Variants in GLIS3 observed in about 807,000 individuals in gnomAD.
GLIS3 encodes GLIS family zinc finger 3.
A neutral mutation model predicts 78.6 loss-of-function variants in GLIS3; 53 were observed. The ratio of observed to expected loss-of-function variants is 0.67; its 90% CI spans 0.54 to 0.85. The LOEUF (loss-of-function observed/expected upper bound fraction) is 0.85, where lower values mean the gene tolerates loss of function less well. GLIS3 is among the 40% of genes least tolerant of loss of function. The probability of loss-of-function intolerance (pLI) is 0.00; values close to 1 mark genes in which losing one functional copy is unlikely to be tolerated. For missense variants in GLIS3, 1,703 were observed against 1,231.1 expected, an observed-to-expected ratio of 1.38 and a Z score of -5.74; for synonymous variants, 684 against 509.9, an observed-to-expected ratio of 1.34 and a Z score of -4.60.
At chr9:4,272,181 G>T (rs1338188679) in intron 2 of GLIS3, among the ~76,000 whole-genome samples, 1 of 152,122 alleles carries the variant, frequency 6.6e-6, no homozygotes, top group South Asian at 2.1e-4. Context: ...ACTATTTTAA[G>T]CAAGTTGCGA....
chr9:4,166,801 A>T (rs971554135), intron 2 of GLIS3, among the ~76,000 whole-genome samples: 12 of 152,256 alleles, frequency 7.9e-5, no homozygotes, highest in Non-Finnish European at 1.6e-4. Context: ...GGACTCAAGA[A>T]TCACCTAAGG....
chr9:3,900,956 C>T (rs889319408), intron 6 of GLIS3: 3 of 152,210 alleles, frequency 2.0e-5, no homozygotes, highest in African/African-American at 7.2e-5. Flanking sequence ...AAACAGCTAG[C>T]TCCTGCCTTA....
intron 4 of GLIS3, among the ~76,000 whole-genome samples, chr9:4,056,120 C>A (rs1826139234): frequency 2.0e-5 from 3 of 152,192 alleles, no homozygotes; most frequent in African/African-American, 7.2e-5. Flanking sequence ...TGATTATATG[C>A]AGCCTAGATA....
chr9:4,447,939 A>C, the GLIS3 span, among the ~76,000 whole-genome samples: 1 of 152,146 alleles, frequency 6.6e-6, no homozygotes, highest in Non-Finnish European at 1.5e-5. Context: ...TTTTCTAAAA[A>C]TGAGCTCTCA....
chr9:4,376,579 A>G, the GLIS3 span, among the ~76,000 whole-genome samples: 2 of 135,232 alleles, frequency 1.5e-5, 1 homozygote, highest in Admixed American at 1.5e-4. Flanking sequence ...CGAAAATAGA[A>G]GTCATGTAGG....
chr9:3,968,782 T>C (rs908590691), intron 4 of GLIS3, among the ~76,000 whole-genome samples: 4 of 152,194 alleles, frequency 2.6e-5, no homozygotes, highest in African/African-American at 9.7e-5. Flanking sequence ...TCATTATTAC[T>C]CCTAAAAGAA....
chr9:4,272,649 T>G (rs1172919739), intron 2 of GLIS3, among the ~76,000 whole-genome samples: 1 of 152,248 alleles, frequency 6.6e-6, no homozygotes, highest in African/African-American at 2.4e-5. Flanking sequence ...TTTTCAACTC[T>G]AGAATAACCA....
At chr9:4,328,011 G>A (rs1256817639) in intron 2 of GLIS3, among the ~76,000 whole-genome samples, 3 of 152,208 alleles carry the variant, frequency 2.0e-5, no homozygotes, top group Non-Finnish European at 4.4e-5. Flanking sequence ...CGTGACTCAT[G>A]TCGAATGCAT....
upstream of GLIS3, among the ~76,000 whole-genome samples, chr9:4,301,141 C>T (rs1193001384): frequency 6.6e-6 from 1 of 151,536 alleles, no homozygotes; most frequent in African/African-American, 2.5e-5. Flanking sequence ...TGGTCTGTAT[C>T]CATGATATTA....
the GLIS3 span, among the ~76,000 whole-genome samples, chr9:4,443,633 G>C: frequency 3.3e-5 from 5 of 152,190 alleles, no homozygotes; most frequent in African/African-American, 1.2e-4. Context: ...TGAGATTAAA[G>C]GAAGCAAGAG....
intron 4 of GLIS3, among the ~76,000 whole-genome samples, chr9:4,026,022 C>G (rs1823310038): frequency 6.6e-6 from 1 of 152,122 alleles, no homozygotes; most frequent in Non-Finnish European, 1.5e-5. Flanking sequence ...AACAAATTTG[C>G]TAACATAATC....
At chr9:3,875,195 A>T (rs760126598) in intron 8 of GLIS3, among the ~76,000 whole-genome samples, 1 of 152,242 alleles carries the variant, frequency 6.6e-6, no homozygotes, top group Non-Finnish European at 1.5e-5. Context: ...CTCATTCAAC[A>T]TGCCATAGTA....
chr9:4,373,941 C>T, the GLIS3 span, among the ~76,000 whole-genome samples: 6 of 152,172 alleles, frequency 3.9e-5, no homozygotes, highest in African/African-American at 1.2e-4. Context: ...GCTGGGATTA[C>T]AGGTGTGAGC....
At chr9:4,309,713 T>A (rs1436675427) in intron 3 of GLIS3, among the ~76,000 whole-genome samples, 1 of 152,230 alleles carries the variant, frequency 6.6e-6, no homozygotes, top group Non-Finnish European at 1.5e-5. Context: ...TGTGTTTTAT[T>A]TACTCTCATT....
chr9:4,410,214 C>T, the GLIS3 span, among the ~76,000 whole-genome samples: 30 of 151,366 alleles, frequency 2.0e-4, no homozygotes, highest in Non-Finnish European at 2.2e-4. Context: ...TGGCCTCAAG[C>T]GATCCACCTG....
chr9:4,143,194 T>C (rs1326857792), intron 2 of GLIS3, among the ~76,000 whole-genome samples: 1 of 152,130 alleles, frequency 6.6e-6, no homozygotes, highest in Non-Finnish European at 1.5e-5. Flanking sequence ...ATAGTTAACA[T>C]ACCCATAACC....
At chr9:4,419,917 T>C in the GLIS3 span, among the ~76,000 whole-genome samples, 12 of 152,166 alleles carry the variant, frequency 7.9e-5, no homozygotes, top group African/African-American at 2.4e-4. Flanking sequence ...ACCTACCACA[T>C]TGGGGATTAT....
rs1820193853 is a variant in GLIS3, at chr9:3,861,269, C to G, written c.2298-5085G>C. Among the ~76,000 whole-genome samples the G allele has an allele frequency of 2.0e-5, 3 of 152,196 alleles. No homozygotes were observed. In the South Asian group the frequency reaches 6.2e-4, roughly 32 times the overall value. ...TTCTTTGACTATTCAGATATAAACA[C>G]TAAGGCTCAACAGAAAGTGAGGCAT... On this transcript the variant is annotated intron_variant, in intron 8 of 10. Coordinates refer to ENST00000381971, the MANE Select transcript of GLIS3 (RefSeq NM_001042413.2).
intron 2 of GLIS3, among the ~76,000 whole-genome samples, chr9:4,338,511 G>A (rs1310049988): frequency 6.6e-6 from 1 of 152,070 alleles, no homozygotes; most frequent in Non-Finnish European, 1.5e-5. Context: ...ATGAGGTACT[G>A]TTCATATCTA....
Sources: allele counts gnomAD v4.1 joint callset (sites outside exome capture counted in the v4.1 genomes callset), GRCh38; gene constraint gnomAD v4.1.1; transcripts MANE v1.5; gene names NCBI Gene and HGNC (gene_info 2026-07-23, HGNC 2026-07-21).